The following LOC128462377 variants were observed in gnomAD, a reference collection of about 807,000 sequenced individuals.
the LOC128462377 span, among the ~76,000 whole-genome samples, chr16:89,356,744 G>A: frequency 7.2e-6 from 1 of 139,234 alleles, no homozygotes; most frequent in African/African-American, 2.7e-5. Context: ...TCGCACCACT[G>A]CACTCTAGCC....
the LOC128462377 span, among the ~76,000 whole-genome samples, chr16:89,344,366 T>A: frequency 6.6e-6 from 1 of 152,314 alleles, no homozygotes; most frequent in East Asian, 1.9e-4. Flanking sequence ...ACCTCCTTGC[T>A]ATGAATGCCT....
chr16:89,364,369 C>G, the LOC128462377 span, among the ~76,000 whole-genome samples: 1 of 152,188 alleles, frequency 6.6e-6, no homozygotes. Context: ...TCTTAAGACA[C>G]CATGTATTGT....
the LOC128462377 span, among the ~76,000 whole-genome samples, chr16:89,334,172 A>AAG: frequency 6.7e-6 from 1 of 148,974 alleles, no homozygotes; most frequent in African/African-American, 2.5e-5. Flanking sequence ...AAAAAAAAAA[A>AAG]ACAGAGAGAG....
the LOC128462377 span, among the ~76,000 whole-genome samples, chr16:89,367,562 T>TACCCTG: frequency 6.6e-6 from 1 of 152,174 alleles, no homozygotes; most frequent in Admixed American, 6.5e-5. Context: ...TGCTCCCCTC[T>TACCCTG]ACCCTGTTCC....
the LOC128462377 span, among the ~76,000 whole-genome samples, chr16:89,376,860 C>T: frequency 2.0e-5 from 3 of 152,322 alleles, no homozygotes; most frequent in Admixed American, 1.3e-4. Context: ...AAGGGATAAG[C>T]TAATGCTACT....
chr16:89,383,163 T>C, the LOC128462377 span, among the ~76,000 whole-genome samples: 3 of 152,336 alleles, frequency 2.0e-5, no homozygotes, highest in Admixed American at 1.3e-4. Context: ...CAGCCGCCTG[T>C]GCTGCTGAGT....
the LOC128462377 span, among the ~76,000 whole-genome samples, chr16:89,383,247 AAGC>A: frequency 6.6e-6 from 1 of 152,324 alleles, no homozygotes; most frequent in Admixed American, 6.5e-5. Flanking sequence ...AGCTGGCTGA[AAGC>A]TCAAGATAAC....
the LOC128462377 span, among the ~76,000 whole-genome samples, chr16:89,363,621 ACT>A: frequency 6.7e-3 from 1,021 of 152,184 alleles, 17 homozygotes; most frequent in African/African-American, 0.023. Flanking sequence ...ATTCAAACGC[ACT>A]CTGTGTGCCA....
the LOC128462377 span, among the ~76,000 whole-genome samples, chr16:89,398,157 TG>T: frequency 6.6e-6 from 1 of 151,366 alleles, no homozygotes. Flanking sequence ...AGACTACCTG[TG>T]ACCTCAGCAC....
At chr16:89,322,454 G>C in the LOC128462377 span, among the ~76,000 whole-genome samples, 1 of 152,244 alleles carries the variant, frequency 6.6e-6, no homozygotes, top group Non-Finnish European at 1.5e-5. Flanking sequence ...AGGCCCCTGA[G>C]AAGGGATGTG....
At chr16:89,334,318 G>A in the LOC128462377 span, among the ~76,000 whole-genome samples, 5 of 151,824 alleles carry the variant, frequency 3.3e-5, 1 homozygote, top group African/African-American at 1.2e-4. Flanking sequence ...CTGCCAATAC[G>A]GCCAAGTTTC....
chr16:89,396,309 G>A, the LOC128462377 span, among the ~76,000 whole-genome samples: 1 of 152,136 alleles, frequency 6.6e-6, no homozygotes, highest in Non-Finnish European at 1.5e-5. Flanking sequence ...TGCACACTGT[G>A]TGCTGACCTG....
chr16:89,381,235 G>C, the LOC128462377 span, among the ~76,000 whole-genome samples: 1 of 151,712 alleles, frequency 6.6e-6, no homozygotes, highest in Admixed American at 6.6e-5. Flanking sequence ...GGGAGGCTGA[G>C]GCAGGAGAAT....
the LOC128462377 span, among the ~76,000 whole-genome samples, chr16:89,408,232 GCT>G: frequency 6.6e-6 from 1 of 152,234 alleles, no homozygotes; most frequent in Admixed American, 6.5e-5. Flanking sequence ...TCACACCAGC[GCT>G]GTTCCCTCAG....
the LOC128462377 span, among the ~76,000 whole-genome samples, chr16:89,331,819 T>TA: frequency 6.6e-6 from 1 of 152,152 alleles, no homozygotes; most frequent in Non-Finnish European, 1.5e-5. Flanking sequence ...TAGTCTAAGA[T>TA]ACGGTGATGG....
At chr16:89,413,091 G>A in the LOC128462377 span, among the ~76,000 whole-genome samples, 2 of 152,236 alleles carry the variant, frequency 1.3e-5, no homozygotes, top group African/African-American at 2.4e-5. Flanking sequence ...AGGGGGCGCC[G>A]CTCAGCCACA....
chr16:89,366,057 A>G, the LOC128462377 span, among the ~76,000 whole-genome samples: 146,577 of 150,780 alleles, frequency 0.97, 71,265 homozygotes, highest in East Asian at 1. Context: ...TTGAACCTGG[A>G]AGGTGGAGGT....
the LOC128462377 span, among the ~76,000 whole-genome samples, chr16:89,387,198 G>A: frequency 6.6e-6 from 1 of 151,662 alleles, no homozygotes; most frequent in Non-Finnish European, 1.5e-5. Context: ...GCTCAGCAAG[G>A]AAACACACAG....
At chr16:89,384,023 C>T in the LOC128462377 span, among the ~76,000 whole-genome samples, 1 of 152,158 alleles carries the variant, frequency 6.6e-6, no homozygotes, top group Non-Finnish European at 1.5e-5. Context: ...AGTTCAAGAC[C>T]AGCCTGGCCA....
Sources: gnomAD v4.1 joint callset for allele counts (sites outside exome capture counted in the v4.1 genomes callset) on GRCh38, gnomAD v4.1.1 for gene constraint, MANE v1.5 for transcripts.